AP2B1: variants seen among roughly 807,000 people sequenced by gnomAD.
AP2B1 encodes the protein adaptor related protein complex 2 subunit beta 1.
A neutral mutation model predicts 102.0 loss-of-function variants in AP2B1; 23 were observed. The ratio of observed to expected loss-of-function variants is 0.23; its 90% CI spans 0.16 to 0.32. AP2B1 has a LOEUF of 0.32. Ranked by LOEUF, AP2B1 falls within the 10% of genes least tolerant of loss-of-function variation. The pLI is 1.00. For missense variants in AP2B1, 541 were observed against 1,157.4 expected (o/e 0.47, Z 7.73); for synonymous variants, 381 against 421.2 (o/e 0.90, Z 1.17).
At position 35,636,462 on chromosome 17, in the gene AP2B1, T is replaced by C; in HGVS notation, c.1271+6T>C. ...TTCCGCAAATACCCCAACAAGTATG[T>C]CCAAATACCTTTACCCCTCTTTCTC... is the stretch of plus-strand genomic sequence containing the variant. On this transcript the variant is annotated splice_donor_region_variant and intron_variant, in intron 10 of 21. Transcript: ENST00000610402. The C allele has an allele frequency of 6.3e-7, 1 of 1,598,586 alleles. No individual in the cohort carries two copies. The highest frequency in any genetic ancestry group is 8.6e-7 in the Non-Finnish European group (1 of 1,166,140).
At chr17:35,667,725 T>C (rs532811626) in intron 14 of AP2B1, among the ~76,000 whole-genome samples, 2 of 152,278 alleles carry the variant, frequency 1.3e-5, no homozygotes, top group South Asian at 4.1e-4. Context: ...TTCCAATGTG[T>C]TTTTCTTTCT....
At chr17:35,709,600 CTATT>C (rs1264598307) in intron 19 of AP2B1, among the ~76,000 whole-genome samples, 3 of 152,148 alleles carry the variant, frequency 2.0e-5, no homozygotes, top group African/African-American at 7.2e-5. Flanking sequence ...CTCAGCTCTG[CTATT>C]TATTTGCTGT....
chr17:35,680,915 G>A (rs1016402130), intron 17 of AP2B1, among the ~76,000 whole-genome samples: 2 of 151,810 alleles, frequency 1.3e-5, no homozygotes, highest in East Asian at 1.9e-4. Context: ...GCCTGGTCTC[G>A]AACTCCTGGC....
chr17:35,668,473 C>T (rs969925695), intron 14 of AP2B1, among the ~76,000 whole-genome samples: 4 of 152,092 alleles, frequency 2.6e-5, no homozygotes, highest in Non-Finnish European at 5.9e-5. Flanking sequence ...CTCTCTGCAA[C>T]CCCCACACAC....
intron 20 of AP2B1, 49 bp downstream of exon 20, chr17:35,710,369 G>T (rs1030483442): frequency 7.7e-7 from 1 of 1,296,638 alleles, no homozygotes; most frequent in South Asian, 1.2e-5. Context: ...AATCAAATTA[G>T]ATATTTGAAA....
chr17:35,609,933 C>T (rs971200213), intron 5 of AP2B1, among the ~76,000 whole-genome samples: 11 of 152,080 alleles, frequency 7.2e-5, no homozygotes, highest in African/African-American at 2.4e-4. Context: ...GTATTAAATC[C>T]ACAGGATGAA....
chr17:35,710,256 A>G lies in AP2B1; in HGVS notation c.2562A>G (p.Thr854=). The G allele has an allele frequency of 2.5e-6, 4 of 1,613,732 alleles. No individual in the cohort carries two copies. Among genetic ancestry groups the G allele is most frequent in the Non-Finnish European group, 3.4e-6 (4 of 1,179,632 alleles). The part of the protein sequence containing the change: ...GKMERQVFLA[T]WKDIPNENEL... ...CAGAGCGCCAGGTCTTCCTTGCAAC[A>G]TGGAAGGATATTCCCAATGAAAATG... Residue 854 remains threonine, a synonymous_variant, in exon 20 of 22, where the codon ACA becomes ACG. Coordinates refer to ENST00000610402, the MANE Select transcript of AP2B1 (RefSeq NM_001030006.2).
chr17:35,639,329 G>A (rs372875349), intron 10 of AP2B1, among the ~76,000 whole-genome samples: 2 of 152,100 alleles, frequency 1.3e-5, no homozygotes, highest in Non-Finnish European at 2.9e-5. Flanking sequence ...GTGAGACCCT[G>A]TCTCCCTGTC....
Position 35,706,819 on chromosome 17 carries a change from T to TA in AP2B1, c.2455-2405_2455-2404insA, listed in dbSNP as rs1568029027. On this transcript the variant is annotated intron_variant, in intron 18 of 21. Transcript: ENST00000610402. ...CCACACCCAACTAATATATATATATTTTTTTGTATTTTTAGTAGAGATGGG... is the reference window on the plus strand; with the variant it reads ...CCACACCCAACTAATATATATATATTATTTTTGTATTTTTAGTAGAGATGGG... 6.5e-3 allele frequency among the ~76,000 whole-genome samples: 987 copies of TA among 151,590 alleles called. 10 individuals are homozygous for TA. Among genetic ancestry groups the TA allele is most frequent in the African/African-American group, 0.022 (924 of 41,308 alleles).
At chr17:35,633,231 A>C (rs1005920041) in intron 9 of AP2B1, among the ~76,000 whole-genome samples, 2 of 152,006 alleles carry the variant, frequency 1.3e-5, no homozygotes, top group African/African-American at 2.4e-5. Context: ...TTGGTGGCCC[A>C]TACTTGTAAT....
chr17:35,653,681 A>G (rs2142849107), intron 13 of AP2B1, among the ~76,000 whole-genome samples: 1 of 152,168 alleles, frequency 6.6e-6, no homozygotes, highest in Non-Finnish European at 1.5e-5. Flanking sequence ...TCACCATGTT[A>G]TCCAGGCTGG....
intron 12 of AP2B1, among the ~76,000 whole-genome samples, chr17:35,643,566 T>C (rs1049401214): frequency 1.3e-5 from 2 of 152,148 alleles, no homozygotes; most frequent in Admixed American, 6.5e-5. Context: ...TGAGATAAAG[T>C]ATTTAGGAAG....
chr17:35,653,802 G>A (rs555958865), intron 13 of AP2B1, among the ~76,000 whole-genome samples: 1 of 151,998 alleles, frequency 6.6e-6, no homozygotes, highest in South Asian at 2.1e-4. Context: ...CTGAATTATC[G>A]ACCCCAGTGC....
intron 18 of AP2B1, 78 bp downstream of exon 18, chr17:35,682,902 C>T: frequency 7.5e-7 from 1 of 1,334,062 alleles, no homozygotes; most frequent in Non-Finnish European, 1.0e-6. Flanking sequence ...TTTAAAGACA[C>T]AGTCTTACTC....
At chr17:35,701,235 C>T (rs587700918) in intron 18 of AP2B1, among the ~76,000 whole-genome samples, 55 of 152,214 alleles carry the variant, frequency 3.6e-4, no homozygotes, top group African/African-American at 1.3e-3. Context: ...ATGAGATGCA[C>T]TGTGATATTT....
chr17:35,647,384 G>T (rs1186459463), intron 12 of AP2B1, among the ~76,000 whole-genome samples: 1 of 151,960 alleles, frequency 6.6e-6, no homozygotes, highest in Non-Finnish European at 1.5e-5. Flanking sequence ...TAGTCCCTCA[G>T]TGCCCCCCCT....
At chr17:35,722,399 C>T (rs782653245) in intron 21 of AP2B1, among the ~76,000 whole-genome samples, 39 of 152,104 alleles carry the variant, frequency 2.6e-4, no homozygotes, top group Non-Finnish European at 4.3e-4. Context: ...GAATTGTCTT[C>T]CTGACTAATA....
At chr17:35,674,003 C>G (rs1278071866) in intron 16 of AP2B1, among the ~76,000 whole-genome samples, 173 bp from the exon 17 acceptor site, 1 of 151,998 alleles carries the variant, frequency 6.6e-6, no homozygotes, top group South Asian at 2.1e-4. Context: ...AAGACTCTAT[C>G]CGGAGTCTTT....
intron 21 of AP2B1, among the ~76,000 whole-genome samples, chr17:35,718,398 C>A (rs1031227670): frequency 6.6e-6 from 1 of 151,384 alleles, no homozygotes; most frequent in Admixed American, 6.6e-5. Flanking sequence ...TTTGCCCAAG[C>A]ACTTATGAGC....
Sources: gnomAD v4.1 joint callset for allele counts (sites outside exome capture counted in the v4.1 genomes callset) on GRCh38, gnomAD v4.1.1 for gene constraint, MANE v1.5 for transcripts, NCBI Gene and HGNC (gene_info 2026-07-23, HGNC 2026-07-21) for gene names.